Variants in MCM9 observed in about 807,000 individuals in gnomAD.
The protein encoded by MCM9 is DNA helicase MCM9.
In MCM9, 55 loss-of-function variants were observed where a neutral mutation model predicts 72.8. The ratio of observed to expected loss-of-function variants is 0.76; its 90% confidence interval spans 0.61 to 0.95. The LOEUF (loss-of-function observed/expected upper bound fraction) is 0.95. MCM9 is among the 40% of genes least tolerant of loss of function. The pLI is 0.00. For missense variants in MCM9, 1,279 were observed against 1,377.0 expected, an observed-to-expected ratio of 0.93 and a Z score of 1.13; for synonymous variants, 480 against 503.4, an observed-to-expected ratio of 0.95 and a Z score of 0.62.
chr6:118,830,075 C>T (rs571485893), intron 9 of MCM9, among the ~76,000 whole-genome samples: 2 of 151,950 alleles, frequency 1.3e-5, no homozygotes, highest in South Asian at 2.1e-4. Flanking sequence ...CTAAATGGAG[C>T]GTGGCAGGAT....
chr6:118,819,104 C>T (rs927139444), intron 13 of MCM9, among the ~76,000 whole-genome samples: 2 of 152,128 alleles, frequency 1.3e-5, no homozygotes, highest in African/African-American at 4.8e-5. Context: ...ATATGAATAT[C>T]CTTTATTTCT....
chr6:118,863,796 T>G (rs1459626983), intron 8 of MCM9, among the ~76,000 whole-genome samples: 4 of 152,154 alleles, frequency 2.6e-5, no homozygotes, highest in African/African-American at 7.2e-5. Context: ...CAAGAAGGCC[T>G]TTACCAAATG....
intron 8 of MCM9, among the ~76,000 whole-genome samples, chr6:118,903,848 A>G (rs1779981909): frequency 6.6e-6 from 1 of 152,106 alleles, no homozygotes; most frequent in African/African-American, 2.4e-5. Context: ...TAGCCTCCCA[A>G]AGTGCTAGGA....
intron 13 of MCM9, among the ~76,000 whole-genome samples, chr6:118,816,541 C>T (rs1039957911): frequency 1.3e-5 from 2 of 152,112 alleles, no homozygotes; most frequent in East Asian, 3.9e-4. Flanking sequence ...AAAATGAAAT[C>T]GGAGATTTGT....
In MCM9 at chr6:118,828,017, G is replaced by T; in HGVS notation, c.1642C>A (p.Arg548=). 6.4e-7 allele frequency: 1 copy of T among 1,550,920 alleles called. No individual in the cohort carries two copies. The highest frequency in any genetic ancestry group is 8.7e-7 in the Non-Finnish European group (1 of 1,147,066). Residue 548 remains arginine (R), a synonymous_variant, in exon 11 of 14, where the codon CGG becomes AGG. Transcript: ENST00000619706. ...LSDVGNQVLL[R]YYQMQRQSDC... is the part of the protein sequence containing the mutation. ...CTCTGCCTTTGCATCTGGTAGTACCGGAGAAGAACCTGATTGCCCACATCA... is the reference window on the plus strand; with the variant it reads ...CTCTGCCTTTGCATCTGGTAGTACCTGAGAAGAACCTGATTGCCCACATCA...
At chr6:118,843,357 A>ACG (rs1562406837) in intron 9 of MCM9, among the ~76,000 whole-genome samples, 86 of 151,506 alleles carry the variant, frequency 5.7e-4, no homozygotes, top group African/African-American at 1.8e-3. Context: ...GGCTGGGTGC[A>ACG]GTGGCTCACA....
chr6:118,886,011 G>A (rs1180741797), intron 8 of MCM9, among the ~76,000 whole-genome samples: 7 of 148,784 alleles, frequency 4.7e-5, no homozygotes, highest in African/African-American at 1.7e-4. Flanking sequence ...TTTAACACCT[G>A]AAAAATCAAT....
Position 118,814,992 on chromosome 6 carries a change from G to C in MCM9, c.3264C>G (p.Ser1088=), listed in dbSNP as rs754185679. The C allele has an allele frequency of 1.9e-6, 3 of 1,550,422 alleles. No homozygotes were observed. Among genetic ancestry groups the C allele is most frequent in the South Asian group, 2.4e-5 (2 of 84,032 alleles). Residue 1088 remains serine (S), a synonymous_variant, in exon 14 of 14, where the codon TCC becomes TCG. Transcript: ENST00000619706. ...RKNRGERGPS[S]PPTTTAPMRV... is the part of the protein sequence containing the mutation. ...GCATTGGAGCTGTGGTTGTAGGAGG[G>C]GAGCTTGGGCCTCTCTCACCTCGGT...
intron 13 of MCM9, among the ~76,000 whole-genome samples, chr6:118,819,215 C>T (rs1228238970): frequency 6.6e-6 from 1 of 152,182 alleles, no homozygotes; most frequent in Admixed American, 6.5e-5. Flanking sequence ...AAGGGGAATG[C>T]TTCCAGCTTT....
intron 8 of MCM9, among the ~76,000 whole-genome samples, chr6:118,882,061 A>G (rs1778321044): frequency 6.6e-6 from 1 of 152,188 alleles, no homozygotes; most frequent in Admixed American, 6.5e-5. Flanking sequence ...CCAAAAGGTC[A>G]CGATCTTCCT....
At chr6:118,911,357 G>A in intron 8 of MCM9, 3 of 1,098,126 alleles carry the variant, frequency 2.7e-6, no homozygotes, top group Non-Finnish European at 3.3e-6. Flanking sequence ...GCTGAGTCTT[G>A]ATAAAATGCC....
chr6:118,927,396 G>A (rs541641937), intron 3 of MCM9, among the ~76,000 whole-genome samples: 4 of 152,218 alleles, frequency 2.6e-5, no homozygotes, highest in African/African-American at 9.6e-5. Flanking sequence ...CTGAGGTTGG[G>A]AGTTTGAGAC....
At chr6:118,922,187 T>C in intron 4 of MCM9, 101 bp from the exon 5 acceptor site, 1 of 808,040 alleles carries the variant, frequency 1.2e-6, no homozygotes. Context: ...TTCTCTGGTA[T>C]ATCATACGAT....
chr6:118,895,031 G>A (rs993227418), intron 8 of MCM9, among the ~76,000 whole-genome samples: 2 of 152,160 alleles, frequency 1.3e-5, no homozygotes, highest in African/African-American at 4.8e-5. Context: ...GCCTGCCCCC[G>A]GCGAAAGGCA....
chr6:118,829,910 A>G (rs898541702), intron 9 of MCM9, among the ~76,000 whole-genome samples: 6 of 152,152 alleles, frequency 3.9e-5, no homozygotes, highest in Admixed American at 3.9e-4. Flanking sequence ...GAAATCAGAA[A>G]ATATGATTGA....
intron 9 of MCM9, among the ~76,000 whole-genome samples, chr6:118,834,631 T>A (rs1446733464): frequency 6.6e-6 from 1 of 152,196 alleles, no homozygotes; most frequent in Non-Finnish European, 1.5e-5. Flanking sequence ...TTTTTTCACG[T>A]TTGTTGGCCA....
chr6:118,883,648 A>C (rs984788072), intron 8 of MCM9, among the ~76,000 whole-genome samples: 1 of 152,120 alleles, frequency 6.6e-6, no homozygotes, highest in African/African-American at 2.4e-5. Context: ...TTCTAATCAG[A>C]AACAGTGGAG....
intron 8 of MCM9, among the ~76,000 whole-genome samples, chr6:118,902,696 C>A (rs540914505): frequency 6.6e-6 from 1 of 152,236 alleles, no homozygotes; most frequent in East Asian, 1.9e-4. Flanking sequence ...TGCTGGTGAT[C>A]TTCACGTAGT....
rs1205636228 is a variant in MCM9, at chr6:118,909,112, C to T, written c.1150+2538G>A. 2.0e-5 allele frequency: 3 copies of T among 152,032 alleles called. No individual in the cohort carries two copies. In the East Asian group the frequency reaches 5.8e-4, roughly 29 times the overall value. 9.4% of individuals were successfully genotyped at this position (152,032 alleles called of 1,614,324 possible). The stretch of plus-strand genomic sequence containing the variant: ...AAAGAAAATCTCATTTGTCTAATTG[C>T]AATTAAAAGAAAAATGTTAAAATAT... On this transcript the variant is annotated intron_variant, in intron 8 of 13. Transcript: ENST00000619706.
Sources: gnomAD v4.1 joint callset for allele counts (sites outside exome capture counted in the v4.1 genomes callset) on GRCh38, gnomAD v4.1.1 for gene constraint, MANE v1.5 for transcripts, NCBI Gene and HGNC (gene_info 2026-07-23, HGNC 2026-07-21) for gene names.